Variants in PIGN observed in about 807,000 individuals in gnomAD.
PIGN encodes the protein phosphatidylinositol glycan anchor biosynthesis class N, also known as GPI ethanolamine phosphate transferase 1.
In PIGN, 117 loss-of-function variants were observed where a neutral mutation model predicts 125.4. That is an observed-to-expected ratio of 0.93 (90% CI 0.80 to 1.09). The LOEUF is 1.09. PIGN is among the 50% of genes least tolerant of loss of function. PIGN has a pLI of 0.00. For missense variants in PIGN, 1,075 were observed against 1,094.9 expected, an observed-to-expected ratio of 0.98 and a Z score of 0.26; for synonymous variants, 392 against 377.8, an observed-to-expected ratio of 1.04 and a Z score of -0.44.
intron 30 of PIGN, among the ~76,000 whole-genome samples, chr18:62,054,706 G>A (rs1325379872): frequency 6.6e-6 from 1 of 151,818 alleles, no homozygotes; most frequent in Non-Finnish European, 1.5e-5. Context: ...TACCCAGGCT[G>A]GTCTTGAACT....
At chr18:62,086,191 AG>A (rs2033690887) in intron 25 of PIGN, among the ~76,000 whole-genome samples, 2 of 152,248 alleles carry the variant, frequency 1.3e-5, no homozygotes, top group African/African-American at 4.8e-5. Context: ...AGACATTTTA[AG>A]GTAAAGAACA....
At chr18:62,085,175 G>C in intron 26 of PIGN, 34 bp downstream of exon 26, 1 of 1,192,826 alleles carries the variant, frequency 8.4e-7, no homozygotes. Context: ...TTATTTTTTA[G>C]TTATATATAT....
Position 62,044,516 on chromosome 18 carries a change from T to G in PIGN, c.*1340A>C, listed in dbSNP as rs1011146616. ...AAACATTAATACCTCTTTTTTATAC[T>G]ACAGTTCTTTCACTGGTATACCATA... On this transcript the variant is annotated 3_prime_UTR_variant, in exon 31 of 31. Transcript: ENST00000640252. The G allele has an allele frequency of 6.6e-6, 1 of 152,228 alleles. No individual in the cohort carries two copies. Among genetic ancestry groups the G allele is most frequent in the African/African-American group, 2.4e-5 (1 of 41,462 alleles). 9.4% of individuals were successfully genotyped at this position (152,228 alleles called of 1,614,324 possible).
intron 1 of PIGN, among the ~76,000 whole-genome samples, chr18:62,185,807 A>G (rs1360316152): frequency 6.6e-6 from 1 of 152,240 alleles, no homozygotes; most frequent in Non-Finnish European, 1.5e-5. Context: ...GGAATGACAT[A>G]AAAGATAAAC....
intron 28 of PIGN, among the ~76,000 whole-genome samples, chr18:62,080,932 T>C (rs574504346): frequency 5.3e-4 from 80 of 152,268 alleles, no homozygotes; most frequent in Admixed American, 1.5e-3. Context: ...ATTTACAAGG[T>C]TTTGCTGATG....
At chr18:62,092,637 G>A (rs1346408651) in intron 23 of PIGN, among the ~76,000 whole-genome samples, 1 of 151,980 alleles carries the variant, frequency 6.6e-6, no homozygotes, top group Admixed American at 6.6e-5. Context: ...AATAGAACAT[G>A]TACTGTGATT....
intron 30 of PIGN, chr18:62,052,154 G>A (rs1349148338): frequency 6.6e-6 from 1 of 151,812 alleles, no homozygotes; most frequent in African/African-American, 2.4e-5. Context: ...GGTGTGGTGT[G>A]GTGCTGAAAA....
intron 14 of PIGN, among the ~76,000 whole-genome samples, chr18:62,127,159 T>C (rs2035564424): frequency 6.6e-6 from 1 of 152,122 alleles, no homozygotes; most frequent in Non-Finnish European, 1.5e-5. Context: ...AGTTTCCTCA[T>C]GTGAAAATGA....
Position 62,148,285 on chromosome 18 carries a change from T to A in PIGN, c.603A>T (p.Glu201Asp). 1 of 1,534,436 alleles carries A rather than the reference T, an allele frequency of 6.5e-7. No individual in the cohort carries two copies. Among genetic ancestry groups the A allele is most frequent in the Non-Finnish European group, 8.8e-7 (1 of 1,136,860 alleles). Residue 201 changes from glutamate (E) to aspartate (D), a missense_variant, in exon 8 of 31, where the codon GAA (glutamate) becomes GAT (aspartate). By Grantham distance (45) the Glu-to-Asp change is conservative (BLOSUM62 2). Coordinates refer to ENST00000640252, the MANE Select transcript of PIGN (RefSeq NM_176787.5). ...AATGTAAGAAAAAAACTATTTTCTC[T>A]TCATTTATTTTAGAAAACAAAGACT... ...NNQSLFSKIN[E>D]EKIVFFLHLL... is the part of the protein sequence containing the mutation.
chr18:62,088,875 A>G (rs776277594), intron 24 of PIGN, 33 bp from the exon 25 acceptor site: 5 of 1,221,880 alleles, frequency 4.1e-6, no homozygotes, highest in South Asian at 2.6e-5. Flanking sequence ...TTAATGCACA[A>G]TAACAGTTGG....
At chr18:62,174,392 G>A (rs541412551) in intron 1 of PIGN, 8 of 152,126 alleles carry the variant, frequency 5.3e-5, no homozygotes, top group African/African-American at 1.7e-4. Flanking sequence ...TTCCACTTGT[G>A]ACTGACCCAT....
At chr18:62,113,338 A>T (rs777138828) in intron 15 of PIGN, 22 bp from the exon 16 acceptor site, 1 of 1,533,434 alleles carries the variant, frequency 6.5e-7, no homozygotes, top group East Asian at 2.3e-5. Flanking sequence ...AAACATATAT[A>T]ACTTGCTAAC....
chr18:62,125,282 A>G (rs1243285952), intron 14 of PIGN, among the ~76,000 whole-genome samples: 1 of 150,084 alleles, frequency 6.7e-6, no homozygotes, highest in South Asian at 2.1e-4. Context: ...ACACACACAC[A>G]CGAATTTTTA....
At chr18:62,177,609 T>C (rs1246255024) in intron 1 of PIGN, among the ~76,000 whole-genome samples, 1 of 152,242 alleles carries the variant, frequency 6.6e-6, no homozygotes, top group Non-Finnish European at 1.5e-5. Flanking sequence ...AACTTTCTGT[T>C]GAAATTTATA....
At chr18:62,111,955 C>T (rs1372939129) in intron 16 of PIGN, among the ~76,000 whole-genome samples, 3 of 152,060 alleles carry the variant, frequency 2.0e-5, no homozygotes, top group Non-Finnish European at 4.4e-5. Context: ...ATTTTTTTCT[C>T]AATAAACTGA....
chr18:62,088,905 G>T, intron 24 of PIGN, 63 bp from the exon 25 acceptor site: 1 of 927,762 alleles, frequency 1.1e-6, no homozygotes, highest in Non-Finnish European at 1.7e-6. Flanking sequence ...ATATTTGAAG[G>T]CAAACTTACA....
chr18:62,021,700 C>A (rs1044306458), intron 23 of PIGN, among the ~76,000 whole-genome samples: 1 of 152,182 alleles, frequency 6.6e-6, no homozygotes, highest in South Asian at 2.1e-4. Flanking sequence ...CAAGTGTACA[C>A]CTTTCCTATT....
chr18:62,116,218 T>A (rs919983543), intron 14 of PIGN, among the ~76,000 whole-genome samples: 2 of 152,198 alleles, frequency 1.3e-5, no homozygotes, highest in Non-Finnish European at 2.9e-5. Flanking sequence ...GTATAGCAAT[T>A]ACTGTGCCAA....
At chr18:62,059,358 G>T (rs1232492515) in intron 30 of PIGN, among the ~76,000 whole-genome samples, 1 of 151,930 alleles carries the variant, frequency 6.6e-6, no homozygotes, top group Non-Finnish European at 1.5e-5. Context: ...CAAGGAGGTG[G>T]GGAGCTAGGT....
Sources: gnomAD v4.1 joint callset for allele counts (sites outside exome capture counted in the v4.1 genomes callset) on GRCh38, gnomAD v4.1.1 for gene constraint, MANE v1.5 for transcripts, NCBI Gene and HGNC (gene_info 2026-07-23, HGNC 2026-07-21) for gene names.